MREG: variants seen among roughly 807,000 people sequenced by gnomAD.
MREG encodes the protein melanoregulin.
In MREG, 31 loss-of-function variants were observed where a neutral mutation model predicts 28.5. The ratio of observed to expected loss-of-function variants is 1.09; its 90% CI spans 0.82 to 1.47. The LOEUF is 1.47. Ranked by LOEUF, MREG falls within the 40% of genes most tolerant of loss-of-function variation. The pLI, the probability that MREG is intolerant of heterozygous loss-of-function variation, is 0.00. For missense variants in MREG, 256 were observed against 257.4 expected (o/e 0.99, Z 0.04); for synonymous variants, 106 against 95.2 (o/e 1.11, Z -0.66).
chr2:215,970,901 G>T (rs10932643), intron 2 of MREG, among the ~76,000 whole-genome samples: 54,504 of 151,980 alleles, frequency 0.36, 10,154 homozygotes, highest in Non-Finnish European at 0.41. Context: ...ATCAATGATA[G>T]ACTGGATAAA....
intron 2 of MREG, among the ~76,000 whole-genome samples, chr2:215,955,064 C>T (rs1432139042): frequency 6.6e-6 from 1 of 152,112 alleles, no homozygotes; most frequent in Non-Finnish European, 1.5e-5. Flanking sequence ...AGGCTCTGTC[C>T]CCCAGTCACT....
chr2:215,988,278 A>G (rs1693632121), intron 2 of MREG, among the ~76,000 whole-genome samples: 1 of 152,206 alleles, frequency 6.6e-6, no homozygotes, highest in Admixed American at 6.5e-5. Flanking sequence ...TGCCTCACAG[A>G]GAAAAGCAAG....
upstream of MREG, chr2:216,033,695 G>A (rs947303932): frequency 2.0e-5 from 3 of 152,506 alleles, no homozygotes; most frequent in South Asian, 6.2e-4. Context: ...ATCTTGGAGT[G>A]GGGAGGAGAC....
At position 215,943,365 on chromosome 2, in the gene MREG, T is replaced by G; in HGVS notation, c.*1498A>C. The G allele has an allele frequency of 2.2e-6, 1 of 456,448 alleles. No individual in the cohort carries two copies. Among genetic ancestry groups the G allele is most frequent in the Non-Finnish European group, 4.4e-6 (1 of 226,830 alleles). 28.3% of individuals were successfully genotyped at this position (456,448 alleles called of 1,614,324 possible). ...CAGCATTGCTCCCTTTTGAAAATTA[T>G]CTTCTGAAGAGAAGAAGGTCCAGCA... On this transcript the variant is annotated 3_prime_UTR_variant, in exon 5 of 5. Transcript: ENST00000263268.
At chr2:215,986,219 ATTGAG>A (rs1446274167) in intron 2 of MREG, among the ~76,000 whole-genome samples, 2 of 152,176 alleles carry the variant, frequency 1.3e-5, no homozygotes, top group Non-Finnish European at 2.9e-5. Context: ...ATATTTTTTA[ATTGAG>A]TTATTTGAAA....
chr2:216,003,031 C>T (rs1440366067), intron 1 of MREG, among the ~76,000 whole-genome samples: 1 of 151,536 alleles, frequency 6.6e-6, no homozygotes, highest in African/African-American at 2.4e-5. Flanking sequence ...TTTCTCTTAC[C>T]TAGTCGATCC....
chr2:215,972,720 T>C (rs892499925), intron 2 of MREG, among the ~76,000 whole-genome samples: 2 of 152,124 alleles, frequency 1.3e-5, no homozygotes, highest in Admixed American at 1.3e-4. Context: ...AATTATCTAA[T>C]TGTACATTTT....
In MREG at chr2:215,996,572, TATAA is replaced by T. The variant is rs534166953; in HGVS notation, c.96-111_96-108del. ...CAATTAAAACTTATACTATGTAATA[TATAA>T]ATATATTGTCAAAAAGGTCTGAATT... On this transcript the variant is annotated intron_variant, in intron 1 of 4. Coordinates refer to ENST00000263268, the MANE Select transcript of MREG (RefSeq NM_018000.3). The T allele has an allele frequency of 4.1e-4, 310 of 763,762 alleles. 4 individuals carry two copies. The East Asian group carries it at 8.5e-3, about 21-fold the overall frequency. The allele number at this position is 763,762 out of a possible 1,614,324, so 47.3% of individuals were successfully genotyped here.
In MREG at chr2:215,943,136, G is replaced by T. The variant is rs545041911; in HGVS notation, c.*1727C>A. ...CTCTAAGCAGACTAAATACAAGTTA[G>T]TTTTTAACCTGAATTCAGAAGTGCA... On this transcript the variant is annotated 3_prime_UTR_variant, in exon 5 of 5. Transcript: ENST00000263268. 2.3e-5 allele frequency: 6 copies of T among 258,666 alleles called. No homozygotes were observed. The highest frequency in any genetic ancestry group is 4.7e-5 in the Non-Finnish European group (6 of 128,166). The allele number at this position is 258,666 out of a possible 1,614,324, so 16.0% of individuals were successfully genotyped here.
At chr2:215,946,560 T>A (rs999311901) in intron 3 of MREG, among the ~76,000 whole-genome samples, 4 of 152,224 alleles carry the variant, frequency 2.6e-5, no homozygotes, top group Admixed American at 6.5e-5. Context: ...TCTACCCTAA[T>A]GCCACAAGTG....
chr2:216,019,339 G>C (rs1181805083), intron 1 of MREG, among the ~76,000 whole-genome samples: 1 of 152,044 alleles, frequency 6.6e-6, no homozygotes, highest in African/African-American at 2.4e-5. Context: ...CTCTCTTTTA[G>C]GCAGGGTACA....
intron 1 of MREG, among the ~76,000 whole-genome samples, chr2:216,005,444 C>CTTTTTTTTTTTTTTTT (rs58288878): frequency 1.3e-4 from 11 of 86,304 alleles, no homozygotes; most frequent in Admixed American, 3.6e-4. Context: ...TCTAGTTATT[C>CTTTTTTTTTTTTTTTT]TTTTTTTTTT....
intron 1 of MREG, among the ~76,000 whole-genome samples, chr2:216,001,513 C>G (rs1332671712): frequency 6.6e-6 from 1 of 152,246 alleles, no homozygotes; most frequent in African/African-American, 2.4e-5. Context: ...AAGCAGCCTC[C>G]TCCACTCTGC....
At chr2:215,988,764 C>T (rs1386454803) in intron 2 of MREG, among the ~76,000 whole-genome samples, 1 of 152,186 alleles carries the variant, frequency 6.6e-6, no homozygotes, top group African/African-American at 2.4e-5. Context: ...TCACAGTGTA[C>T]ACAAAGCCGC....
Position 215,944,996 on chromosome 2 carries a change from T to C in MREG, c.512A>G (p.Asp171Gly), listed in dbSNP as rs958594662. 1.3e-6 allele frequency: 2 copies of C among 1,571,226 alleles called. No individual in the cohort carries two copies. The highest frequency in any genetic ancestry group is 1.7e-6 in the Non-Finnish European group (2 of 1,147,298). Residue 171 changes from aspartate (D) to glycine (G), a missense_variant and splice_region_variant, in exon 5 of 5, where the codon GAC becomes GGC. By Grantham distance (94) the Asp-to-Gly change is moderately conservative. Transcript: ENST00000263268. ...ELSERYLFVV[D>G]RLIALDAAEE... ...TGCAGCATCAAGTGCAATGAGACGG[T>C]CCTGCAAAAACAAACAACAAACCAA... is the stretch of plus-strand genomic sequence containing the variant.
rs189411467 is a variant in MREG, at chr2:216,002,554, T to A, written c.96-6089A>T. ...AACAGCAAAGAAAGAAAATCTCCAG[T>A]CAACAGCAACCAACGGTCCAGAAAA... On this transcript the variant is annotated intron_variant, in intron 1 of 4. Transcript: ENST00000263268. Among the ~76,000 whole-genome samples, 210 of 152,226 alleles carry A rather than the reference T, an allele frequency of 1.4e-3. 1 individual carries two copies. Among genetic ancestry groups the A allele is most frequent in the Non-Finnish European group, 1.7e-3 (114 of 67,994 alleles).
chr2:216,007,477 T>C (rs1694190047), intron 1 of MREG, among the ~76,000 whole-genome samples: 1 of 152,016 alleles, frequency 6.6e-6, no homozygotes, highest in East Asian at 1.9e-4. Flanking sequence ...TCACCCAGGC[T>C]GGAGTGCAGT....
intron 2 of MREG, among the ~76,000 whole-genome samples, chr2:215,967,625 C>T (rs1692978417): frequency 1.3e-5 from 2 of 152,182 alleles, no homozygotes; most frequent in African/African-American, 4.8e-5. Flanking sequence ...TAAATCCACA[C>T]AGTCATTTGC....
At chr2:216,026,549 T>C (rs781259494) in intron 1 of MREG, among the ~76,000 whole-genome samples, 2 of 151,846 alleles carry the variant, frequency 1.3e-5, no homozygotes, top group African/African-American at 4.8e-5. Flanking sequence ...TTTGTAGACA[T>C]GGGGTTTCAC....
Sources: gnomAD v4.1 joint callset for allele counts (sites outside exome capture counted in the v4.1 genomes callset) on GRCh38, gnomAD v4.1.1 for gene constraint, MANE v1.5 for transcripts, NCBI Gene and HGNC (gene_info 2026-07-23, HGNC 2026-07-21) for gene names.